The following BMX variants were observed in gnomAD, a reference collection of about 807,000 sequenced individuals.
BMX encodes the protein cytoplasmic tyrosine-protein kinase BMX.
In BMX, 31 loss-of-function variants were observed where a neutral mutation model predicts 59.2. The observed-to-expected ratio is 0.52, with a 90% CI of 0.39 to 0.71. The LOEUF is 0.71. BMX is among the 30% of genes least tolerant of loss of function. BMX has a pLI of 0.00. For missense variants in BMX, 474 were observed against 491.7 expected (o/e 0.96, Z 0.34); for synonymous variants, 185 against 181.0 (o/e 1.02, Z -0.18).
intron 9 of BMX, among the ~76,000 whole-genome samples, chrX:15,528,671 CA>C (rs200740549): frequency 9.2e-6 from 1 of 108,895 alleles, no homozygotes; most frequent in South Asian, 3.9e-4. Context: ...ACAAAACAAA[CA>C]AAAAAAAACC....
chrX:15,525,598 C>T lies in BMX; in HGVS notation c.830+233C>T, dbSNP rs141422365. 3.1e-4 allele frequency among the ~76,000 whole-genome samples: 35 copies of T among 111,915 alleles called. No individual in the cohort carries two copies. In the East Asian group the frequency reaches 9.8e-3, roughly 31 times the overall value. ...TGACATACACCAGTAGTAGCACCAA[C>T]ATTAGTATACCTGACCCAGGCATCT... On this transcript the variant is annotated intron_variant, in intron 8 of 18. Coordinates refer to ENST00000348343, the MANE Select transcript of BMX (RefSeq NM_203281.3).
intron 14 of BMX, among the ~76,000 whole-genome samples, chrX:15,541,036 C>G (rs1220173375): frequency 2.4e-5 from 1 of 42,376 alleles, no homozygotes; most frequent in African/African-American, 1.4e-4. Context: ...ATGCATCTCA[C>G]AAATGGAAAA....
chrX:15,525,814 A>G (rs962771863), intron 8 of BMX, among the ~76,000 whole-genome samples: 5 of 112,466 alleles, frequency 4.4e-5, no homozygotes, highest in Non-Finnish European at 1.9e-5. Context: ...GATCTCCTGT[A>G]TCAAAGAACC....
chrX:15,538,899 G>T (rs1438809262), intron 14 of BMX, among the ~76,000 whole-genome samples: 1 of 111,336 alleles, frequency 9.0e-6, no homozygotes, highest in Non-Finnish European at 1.9e-5. Flanking sequence ...CAGTTGCAAG[G>T]GCCTAGAAGT....
In BMX at chrX:15,509,444, G is replaced by A. The variant is rs369622306; in HGVS notation, c.243+11G>A. ...CAGTACCCATTTCAGGTAAAGGGAA[G>A]AACGACATTGCATTGGGTGGATAGT... On this transcript the variant is annotated intron_variant, in intron 3 of 18. Coordinates refer to ENST00000348343, the MANE Select transcript of BMX (RefSeq NM_203281.3). 4 of 1,115,012 alleles carry A rather than the reference G, an allele frequency of 3.6e-6. No homozygotes were observed. The highest frequency in any genetic ancestry group is 1.8e-5 in the African/African-American group (1 of 54,811). The allele number at this position is 1,115,012 out of a possible 1,213,427, so 91.9% of individuals were successfully genotyped here. A position where few individuals can be genotyped will look rare whatever the true frequency, so the allele number is the denominator to read the frequency against.
At chrX:15,548,365 G>A (rs906649766) in intron 17 of BMX, among the ~76,000 whole-genome samples, 1 of 111,170 alleles carries the variant, frequency 9.0e-6, no homozygotes, top group Non-Finnish European at 1.9e-5. Context: ...GCTGAGGCAC[G>A]AGAATCGCTT....
At chrX:15,549,715 AG>A in intron 17 of BMX, 124 bp from the exon 18 acceptor site, 1 of 776,743 alleles carries the variant, frequency 1.3e-6, no homozygotes, top group Non-Finnish European at 1.8e-6. Flanking sequence ...CTCATTTCCC[AG>A]GGATCCCTCA....
chrX:15,510,877 A>G (rs940601918), intron 3 of BMX, among the ~76,000 whole-genome samples: 1 of 112,456 alleles, frequency 8.9e-6, no homozygotes, highest in Non-Finnish European at 1.9e-5. Flanking sequence ...CTTAAGAAAC[A>G]GAAAAGTATA....
intron 5 of BMX, 30 bp downstream of exon 5, chrX:15,516,261 C>T (rs776897280): frequency 1.5e-5 from 18 of 1,197,161 alleles, no homozygotes; most frequent in Non-Finnish European, 2.0e-5. Context: ...TTGGACTGGA[C>T]GTTGGGTGGA....
rs908152842 is a variant in BMX at position 15,530,131 on chromosome X, C to G, written c.939+104C>G. The G allele has an allele frequency of 3.7e-6, 3 of 801,632 alleles. No homozygotes were observed. In the African/African-American group the frequency reaches 6.2e-5, roughly 16 times the overall value. 66.1% of individuals were successfully genotyped at this position (801,632 alleles called of 1,213,427 possible). A position where few individuals can be genotyped will look rare whatever the true frequency, so the allele number is the denominator to read the frequency against. On this transcript the variant is annotated intron_variant, in intron 10 of 18. Coordinates refer to ENST00000348343, the MANE Select transcript of BMX (RefSeq NM_203281.3). ...GAAACCTTCCTGCTAATTATATAGT[C>G]AAGTCATTGTAGTGTTGCTTGTCCA... is the stretch of plus-strand genomic sequence containing the variant.
chrX:15,517,277 T>A (rs191925921), intron 5 of BMX, among the ~76,000 whole-genome samples: 3 of 112,252 alleles, frequency 2.7e-5, no homozygotes, highest in Non-Finnish European at 5.6e-5. Flanking sequence ...TACAGATTGG[T>A]TGCACATGGG....
chrX:15,511,923 T>C (rs1355813647), intron 4 of BMX, among the ~76,000 whole-genome samples: 2 of 112,369 alleles, frequency 1.8e-5, no homozygotes, highest in African/African-American at 3.2e-5. Flanking sequence ...TACTGAGCAT[T>C]TACCATTTGC....
chrX:15,521,564 A>G (rs1924456815), intron 6 of BMX, among the ~76,000 whole-genome samples: 1 of 111,760 alleles, frequency 8.9e-6, no homozygotes, highest in African/African-American at 3.3e-5. Flanking sequence ...TGGAAGCTTT[A>G]GGGAAGATTC....
rs754195845 is a variant in BMX at position 15,511,430 on chromosome X, T to C, written c.244-7T>C. The C allele has an allele frequency of 8.4e-7, 1 of 1,191,058 alleles. No homozygotes were observed. Among genetic ancestry groups the C allele is most frequent in the Non-Finnish European group, 1.1e-6 (1 of 883,013 alleles). ...TATATAAACACACCAAATATTTTCC[T>C]TTCCAGATTGTCTATAAAGATGGGC... is the stretch of plus-strand genomic sequence containing the variant. On this transcript the variant is annotated splice_region_variant and splice_polypyrimidine_tract_variant and intron_variant, in intron 3 of 18. Coordinates refer to ENST00000348343, the MANE Select transcript of BMX (RefSeq NM_203281.3).
chrX:15,509,650 G>A (rs140651169), intron 3 of BMX, among the ~76,000 whole-genome samples: 281 of 111,237 alleles, frequency 2.5e-3, no homozygotes, highest in African/African-American at 8.7e-3. Context: ...AGCGTAAGTC[G>A]CAGTGACCTG....
chrX:15,532,263 A>T (rs1481268343), intron 11 of BMX, among the ~76,000 whole-genome samples: 1 of 111,364 alleles, frequency 9.0e-6, no homozygotes, highest in Non-Finnish European at 1.9e-5. Flanking sequence ...CATGCAAATC[A>T]TCATCAAAAT....
chrX:15,528,574 C>G (rs7059178), intron 9 of BMX, among the ~76,000 whole-genome samples: 1,462 of 110,934 alleles, frequency 0.013, 25 homozygotes, highest in African/African-American at 0.046. Context: ...GGGAGGATCA[C>G]TTGAGCCCGG....
chrX:15,508,209 C>T lies in BMX; in HGVS notation c.-9-136C>T, dbSNP rs879056999. 9 of 371,236 alleles carry T rather than the reference C, an allele frequency of 2.4e-5. No homozygotes were observed. The South Asian group carries it at 8.3e-4, about 34-fold the overall frequency. 30.6% of individuals were successfully genotyped at this position (371,236 alleles called of 1,213,427 possible). ...GCTATTGTGTAATTTATTCTATAAT[C>T]CTACATCAGTCTCATTTATTAAAAT... On this transcript the variant is annotated intron_variant, in intron 1 of 18. Coordinates refer to ENST00000348343, the MANE Select transcript of BMX (RefSeq NM_203281.3).
intron 7 of BMX, among the ~76,000 whole-genome samples, chrX:15,524,622 G>A (rs1331261251): frequency 1.8e-5 from 2 of 111,999 alleles, no homozygotes; most frequent in Non-Finnish European, 3.8e-5. Context: ...GCTTTATCTA[G>A]GCATTCCTTG....
Sources: gnomAD v4.1 joint callset for allele counts (sites outside exome capture counted in the v4.1 genomes callset) on GRCh38, gnomAD v4.1.1 for gene constraint, MANE v1.5 for transcripts, NCBI Gene and HGNC (gene_info 2026-07-23, HGNC 2026-07-21) for gene names.